KCNH3: variants seen among roughly 807,000 people sequenced by gnomAD.
The protein encoded by KCNH3 is potassium voltage-gated channel subfamily H member 3, also known as voltage-gated inwardly rectifying potassium channel KCNH3.
A neutral mutation model predicts 95.6 loss-of-function variants in KCNH3; 36 were observed. The observed-to-expected ratio is 0.38, with a 90% CI of 0.29 to 0.50. The LOEUF (loss-of-function observed/expected upper bound fraction) is 0.50, where lower values mean the gene tolerates loss of function less well. Among genes scored for constraint, KCNH3 ranks in the 20% least tolerant of loss-of-function variants. KCNH3 has a pLI of 0.95. For synonymous variants in KCNH3, 620 were observed against 646.3 expected (o/e 0.96, Z 0.62); for missense variants, 1,030 against 1,484.1 (o/e 0.69, Z 5.03).
rs1938528469 is a variant in KCNH3 at position 49,557,795 on chromosome 12, C to A, written c.3094C>A (p.Pro1032Thr). 2 of 1,606,016 alleles carry A rather than the reference C, an allele frequency of 1.2e-6. No homozygotes were observed. Among genetic ancestry groups the A allele is most frequent in the African/African-American group, 2.7e-5 (2 of 74,768 alleles). The change falls in exon 15 of 15, where the codon CCT (proline) becomes ACT (threonine). Residue 1032 changes from proline to threonine, a missense_variant. Pro to Thr is a conservative substitution (Grantham distance 38). Coordinates refer to ENST00000257981, the MANE Select transcript of KCNH3 (RefSeq NM_012284.3). ...AGGGGCTAGGACTGGGCCCGCAGAGCCTGTGAGCCAGGCTGAGGCTACCAG... is the reference window on the plus strand; with the variant it reads ...AGGGGCTAGGACTGGGCCCGCAGAGACTGTGAGCCAGGCTGAGGCTACCAG... The part of the protein sequence containing the change: ...EEGARTGPAE[P>T]VSQAEATSTG...
chr12:49,543,031 A>C (rs1937929075), intron 4 of KCNH3, among the ~76,000 whole-genome samples, 192 bp downstream of exon 4: 1 of 152,222 alleles, frequency 6.6e-6, no homozygotes, highest in African/African-American at 2.4e-5. Flanking sequence ...TGGGAGGCAG[A>C]TGGGCCTTGG....
In KCNH3 at chr12:49,541,069, A is replaced by G; in HGVS notation, c.247A>G (p.Ile83Val). The change falls in exon 2 of 15, where the codon ATC becomes GTC. Residue 83 changes from isoleucine to valine, a missense_variant. Transcript: ENST00000257981. Reference protein sequence around the residue: ...PDTSELVRQQIRKALDEHKEF... With the variant: ...PDTSELVRQQVRKALDEHKEF... ...CACCAGTGAGCTCGTCCGCCAACAG[A>G]TCCGCAAGGCCCTGGACGAGCACAA... The G allele has an allele frequency of 6.2e-7, 1 of 1,612,726 alleles. No individual in the cohort carries two copies.
Position 49,549,331 on chromosome 12 carries a change from C to T in KCNH3, c.1469-110C>T, listed in dbSNP as rs569108691. 5.9e-5 allele frequency: 87 copies of T among 1,465,972 alleles called. 3 individuals are homozygous for T. In the South Asian group the frequency reaches 7.9e-4, roughly 13 times the overall value. 90.8% of individuals were successfully genotyped at this position (1,465,972 alleles called of 1,614,324 possible). A position where few individuals can be genotyped will look rare whatever the true frequency, so the allele number is the denominator to read the frequency against. Reference sequence around the variant, plus strand: ...GGTGGGGGAGACTTCGCCCGCACAGCGGCCTTCAGGCCTTGCCTAGGAGCG... The same window carrying T: ...GGTGGGGGAGACTTCGCCCGCACAGTGGCCTTCAGGCCTTGCCTAGGAGCG... On this transcript the variant is annotated intron_variant, in intron 8 of 14. Transcript: ENST00000257981.
rs140606804 is a variant in KCNH3, at chr12:49,541,073, G to A, written c.251G>A (p.Arg84His). ...DTSELVRQQI[R>H]KALDEHKEFK... ...AGTGAGCTCGTCCGCCAACAGATCC[G>A]CAAGGCCCTGGACGAGCACAAGGAG... The change falls in exon 2 of 15, where the codon CGC (arginine) becomes CAC (histidine). Residue 84 changes from arginine to histidine, a missense_variant. By Grantham distance (29) the Arg-to-His change is conservative. Coordinates refer to ENST00000257981, the MANE Select transcript of KCNH3 (RefSeq NM_012284.3). The A allele has an allele frequency of 2.6e-5, 42 of 1,611,966 alleles. No individual in the cohort carries two copies. Among genetic ancestry groups the A allele is most frequent in the African/African-American group, 6.7e-5 (5 of 74,930 alleles).
intron 9 of KCNH3, 135 bp downstream of exon 9, chr12:49,549,775 C>T (rs1422115081): frequency 8.0e-6 from 7 of 878,770 alleles, no homozygotes; most frequent in East Asian, 5.3e-5. Flanking sequence ...GAGGGGACAG[C>T]GGCATGGGAC....
intron 13 of KCNH3, 36 bp from the exon 14 acceptor site, chr12:49,557,147 C>G (rs1385361456): frequency 6.2e-7 from 1 of 1,610,222 alleles, no homozygotes; most frequent in Non-Finnish European, 8.5e-7. Context: ...CTCCTCTTAC[C>G]AGCCCCAGCT....
intron 10 of KCNH3, among the ~76,000 whole-genome samples, chr12:49,551,094 C>T (rs1381147990): frequency 2.6e-5 from 4 of 152,212 alleles, no homozygotes; most frequent in Non-Finnish European, 4.4e-5. Context: ...ATCGGCCAGC[C>T]GGGGCTGGAG....
At chr12:49,553,415 G>C (rs1319172442) in intron 10 of KCNH3, among the ~76,000 whole-genome samples, 1 of 152,180 alleles carries the variant, frequency 6.6e-6, no homozygotes, top group African/African-American at 2.4e-5. Context: ...CCAAAGTGCT[G>C]GGAGTCATTG....
At chr12:49,543,772 C>T in intron 5 of KCNH3, 143 bp from the exon 6 acceptor site, 1 of 1,170,214 alleles carries the variant, frequency 8.5e-7, no homozygotes, top group Non-Finnish European at 1.2e-6. Context: ...ATGATGTCTA[C>T]CTGTTACAGT....
At position 49,539,625 on chromosome 12, in the gene KCNH3, A is replaced by AGGCT. The variant is rs2138134094; in HGVS notation, c.76+136_76+139dup. 2 of 733,214 alleles carry AGGCT rather than the reference A, an allele frequency of 2.7e-6. No homozygotes were observed. The highest frequency in any genetic ancestry group is 6.8e-5 in the East Asian group (2 of 29,468). 45.4% of individuals were successfully genotyped at this position (733,214 alleles called of 1,614,324 possible). On this transcript the variant is annotated intron_variant, in intron 1 of 14. Coordinates refer to ENST00000257981, the MANE Select transcript of KCNH3 (RefSeq NM_012284.3). The surrounding 1 kb of genome is among the most constrained non-coding windows in gnomAD (Gnocchi z 6.7). ...CTCTCCTCCCTACCCGCCCCTCTTG[A>AGGCT]GGCTGGGGCCATCGTCTCCTGCTAG...
intron 7 of KCNH3, among the ~76,000 whole-genome samples, chr12:49,548,636 C>T (rs1218095057): frequency 3.3e-5 from 5 of 152,182 alleles, no homozygotes; most frequent in Non-Finnish European, 7.4e-5. Context: ...GGCCCGTTAC[C>T]TGGGATGGGT....
chr12:49,548,820 T>G (rs1938155916), intron 7 of KCNH3, 75 bp from the exon 8 acceptor site: 2 of 1,431,422 alleles, frequency 1.4e-6, no homozygotes, highest in East Asian at 5.0e-5. Context: ...TGTGTCTGCG[T>G]GTCCCCACCC....
Position 49,558,265 on chromosome 12 carries a change from A to G in KCNH3, c.*312A>G. On this transcript the variant is annotated 3_prime_UTR_variant, in exon 15 of 15. Transcript: ENST00000257981. ...GTGCCCCTGCCTCTACCTGTCCCCA[A>G]ATTTTTATATTAAAAAAAAAAAATA... is the stretch of plus-strand genomic sequence containing the variant. The G allele has an allele frequency of 2.5e-6, 1 of 393,358 alleles. No homozygotes were observed. The highest frequency in any genetic ancestry group is 3.7e-5 in the East Asian group (1 of 27,110). The allele number at this position is 393,358 out of a possible 1,614,324, so 24.4% of individuals were successfully genotyped here.
At position 49,558,073 on chromosome 12, in the gene KCNH3, C is replaced by A; in HGVS notation, c.*120C>A. 1.7e-6 allele frequency: 2 copies of A among 1,206,288 alleles called. No homozygotes were observed. The highest frequency in any genetic ancestry group is 2.6e-5 in the East Asian group (1 of 38,042). 74.7% of individuals were successfully genotyped at this position (1,206,288 alleles called of 1,614,324 possible). The stretch of plus-strand genomic sequence containing the variant: ...CTCCATGCGGCCCGCTGGCTCAGGG[C>A]AGGGAGCCTGGAAGCAAAGGAGGAC... On this transcript the variant is annotated 3_prime_UTR_variant, in exon 15 of 15. Coordinates refer to ENST00000257981, the MANE Select transcript of KCNH3 (RefSeq NM_012284.3).
intron 9 of KCNH3, 32 bp from the exon 10 acceptor site, chr12:49,550,048 A>T: frequency 1.2e-6 from 1 of 800,694 alleles, no homozygotes. Context: ...GCCACTCCCA[A>T]CCCCCCCACC....
intron 9 of KCNH3, 37 bp from the exon 10 acceptor site, chr12:49,550,043 T>TGGCCC: frequency 2.2e-4 from 290 of 1,299,370 alleles, no homozygotes; most frequent in Non-Finnish European, 2.7e-4. Flanking sequence ...CTTCTGCCAC[T>TGGCCC]CCCAACCCCC....
intron 13 of KCNH3, 66 bp downstream of exon 13, chr12:49,556,542 T>C (rs746703680): frequency 3.9e-5 from 43 of 1,108,130 alleles, no homozygotes; most frequent in Non-Finnish European, 5.4e-5. Context: ...CCTCAAGCAC[T>C]GTTGACCTCT....
At chr12:49,547,083 T>TG (rs1039245733) in intron 7 of KCNH3, among the ~76,000 whole-genome samples, 1 of 152,024 alleles carries the variant, frequency 6.6e-6, no homozygotes, top group Non-Finnish European at 1.5e-5. Flanking sequence ...TTAGTAGAGA[T>TG]GGGGTTTCAC....
At position 49,558,115 on chromosome 12, in the gene KCNH3, A is replaced by G. The variant is rs1020632940; in HGVS notation, c.*162A>G. The G allele has an allele frequency of 2.9e-5, 21 of 736,642 alleles. No individual in the cohort carries two copies. The highest frequency in any genetic ancestry group is 3.9e-5 in the Non-Finnish European group (20 of 512,242). 45.6% of individuals were successfully genotyped at this position (736,642 alleles called of 1,614,324 possible). A position where few individuals can be genotyped will look rare whatever the true frequency, so the allele number is the denominator to read the frequency against. ...AAGGAGGACCTGGCTCCTGACTCTCAGAGAGGATAGGCTGGATCCCTGGGG... is the reference window on the plus strand; with the variant it reads ...AAGGAGGACCTGGCTCCTGACTCTCGGAGAGGATAGGCTGGATCCCTGGGG... On this transcript the variant is annotated 3_prime_UTR_variant, in exon 15 of 15. Transcript: ENST00000257981.
Sources: gnomAD v4.1 joint callset for allele counts (sites outside exome capture counted in the v4.1 genomes callset) on GRCh38, gnomAD v4.1.1 for gene constraint, Gnocchi (gnomAD v3.1) non-coding constraint, MANE v1.5 for transcripts, NCBI Gene and HGNC (gene_info 2026-07-23, HGNC 2026-07-21) for gene names.